GALNT13: variants seen among roughly 807,000 people sequenced by gnomAD.
GALNT13 encodes the protein polypeptide N-acetylgalactosaminyltransferase 13.
In GALNT13, 28 loss-of-function variants were observed where a neutral mutation model predicts 64.2. The observed-to-expected ratio is 0.44, with a 90% CI of 0.32 to 0.60. GALNT13 has a LOEUF of 0.60. Among genes scored for constraint, GALNT13 ranks in the 20% least tolerant of loss-of-function variants. The probability of loss-of-function intolerance (pLI) is 0.05; values close to 1 mark genes in which losing one functional copy is unlikely to be tolerated. For missense variants in GALNT13, 577 were observed against 669.8 expected (o/e 0.86, Z 1.53); for synonymous variants, 214 against 224.6 (o/e 0.95, Z 0.42).
At chr2:153,637,020 A>G in the GALNT13 span, among the ~76,000 whole-genome samples, 3 of 152,182 alleles carry the variant, frequency 2.0e-5, no homozygotes, top group East Asian at 5.8e-4. Flanking sequence ...ATTGACAGGG[A>G]CTGCATTAAA....
At chr2:153,162,182 C>T in the GALNT13 span, among the ~76,000 whole-genome samples, 1 of 152,166 alleles carries the variant, frequency 6.6e-6, no homozygotes, top group African/African-American at 2.4e-5. Context: ...TGACAGGTAT[C>T]AGTCACTTTT....
the GALNT13 span, among the ~76,000 whole-genome samples, chr2:153,630,787 ATATATATATATATATATATATTTTT>A: frequency 9.4e-5 from 1 of 10,694 alleles, no homozygotes. Context: ...ATATATATAT[ATATATATATATATATATATATTTTT>A]TTTTTTTTTT....
chr2:154,035,937 A>T (rs1430449417), intron 3 of GALNT13, among the ~76,000 whole-genome samples: 2 of 152,010 alleles, frequency 1.3e-5, no homozygotes, highest in African/African-American at 4.8e-5. Flanking sequence ...GGTAACAAAA[A>T]TGATAGACTT....
chr2:153,536,224 G>A, the GALNT13 span, among the ~76,000 whole-genome samples: 1 of 152,196 alleles, frequency 6.6e-6, no homozygotes, highest in Non-Finnish European at 1.5e-5. Context: ...ACAAAAGCAT[G>A]AGGGCCTTGC....
the GALNT13 span, among the ~76,000 whole-genome samples, chr2:153,707,750 G>T: frequency 6.6e-6 from 1 of 152,128 alleles, no homozygotes; most frequent in Non-Finnish European, 1.5e-5. Flanking sequence ...ATTCAGACTT[G>T]AGAGGGGAAC....
chr2:153,160,694 G>T, the GALNT13 span, among the ~76,000 whole-genome samples: 2 of 152,272 alleles, frequency 1.3e-5, no homozygotes, highest in African/African-American at 4.8e-5. Context: ...TAAGTCATGG[G>T]ATAATTCAGA....
At chr2:153,601,495 A>G in the GALNT13 span, among the ~76,000 whole-genome samples, 2 of 151,786 alleles carry the variant, frequency 1.3e-5, no homozygotes, top group Non-Finnish European at 1.5e-5. Flanking sequence ...CCCTCTTACA[A>G]ATTTCACCAT....
the GALNT13 span, among the ~76,000 whole-genome samples, chr2:153,628,539 A>T: frequency 2.0e-5 from 3 of 151,736 alleles, no homozygotes; most frequent in Non-Finnish European, 4.4e-5. Context: ...TAATTTATTG[A>T]GAGTTTTTAG....
chr2:154,331,931 T>G (rs1695187707), intron 9 of GALNT13, among the ~76,000 whole-genome samples: 1 of 152,118 alleles, frequency 6.6e-6, no homozygotes. Context: ...AGGCAGTCTT[T>G]ATTAAGGAAT....
chr2:154,350,815 G>C (rs1175415489), intron 9 of GALNT13, among the ~76,000 whole-genome samples: 1 of 152,170 alleles, frequency 6.6e-6, no homozygotes, highest in Non-Finnish European at 1.5e-5. Flanking sequence ...AGCAGTGGAA[G>C]GCAGTGGGGA....
chr2:153,731,607 A>G, the GALNT13 span, among the ~76,000 whole-genome samples: 3 of 152,024 alleles, frequency 2.0e-5, no homozygotes, highest in Non-Finnish European at 4.4e-5. Context: ...TACATGACAC[A>G]GGACTATAAA....
the GALNT13 span, among the ~76,000 whole-genome samples, chr2:153,488,295 T>C: frequency 2.0e-5 from 3 of 152,208 alleles, no homozygotes; most frequent in Admixed American, 1.3e-4. Flanking sequence ...CTCTTTTTGT[T>C]GTAGTCTGTG....
At chr2:153,209,613 T>C in the GALNT13 span, among the ~76,000 whole-genome samples, 1 of 152,188 alleles carries the variant, frequency 6.6e-6, no homozygotes, top group Non-Finnish European at 1.5e-5. Flanking sequence ...CTCCAACTTA[T>C]ATCTTATTAT....
chr2:154,228,361 C>T (rs557923218), intron 4 of GALNT13, among the ~76,000 whole-genome samples: 17 of 152,238 alleles, frequency 1.1e-4, no homozygotes, highest in Non-Finnish European at 2.1e-4. Flanking sequence ...CTAGTTCCCA[C>T]GTTGCACTGT....
chr2:154,363,528 C>G lies in GALNT13; in HGVS notation c.1157-32463C>G, dbSNP rs111260174. Among the ~76,000 whole-genome samples, 781 of 152,178 alleles carry G rather than the reference C, an allele frequency of 5.1e-3. 7 individuals carry two copies. The highest frequency in any genetic ancestry group is 0.018 in the African/African-American group (745 of 41,506). On this transcript the variant is annotated intron_variant, in intron 9 of 12. Coordinates refer to ENST00000392825, the MANE Select transcript of GALNT13 (RefSeq NM_052917.4). ...TGTTGCAATCACTGTTCTGCACACT[C>G]TGACCCATTATGGTGATGAAAGAAA... is the stretch of plus-strand genomic sequence containing the variant.
In GALNT13 at chr2:154,397,718, T is replaced by C. The variant is rs192968134; in HGVS notation, c.1296+1588T>C. Among the ~76,000 whole-genome samples, 78 of 152,336 alleles carry C rather than the reference T, an allele frequency of 5.1e-4. 1 individual carries two copies. Among genetic ancestry groups the C allele is most frequent in the Admixed American group, 1.4e-3 (21 of 15,302 alleles). On this transcript the variant is annotated intron_variant, in intron 10 of 12. Transcript: ENST00000392825. ...ATGACTGATTTAAGTGCCATATTCA[T>C]GCCTTATTGTCCAAGTCTCCACTTC...
intron 3 of GALNT13, among the ~76,000 whole-genome samples, chr2:154,025,203 A>G (rs924238784): frequency 6.6e-6 from 1 of 152,182 alleles, no homozygotes; most frequent in Non-Finnish European, 1.5e-5. Context: ...TGGGAGAACT[A>G]CTACTTTCTT....
chr2:153,358,169 T>A, the GALNT13 span, among the ~76,000 whole-genome samples: 1 of 152,224 alleles, frequency 6.6e-6, no homozygotes, highest in African/African-American at 2.4e-5. Flanking sequence ...TATCCCAAAA[T>A]ATACTGCTAC....
At chr2:153,212,102 C>T in the GALNT13 span, among the ~76,000 whole-genome samples, 7 of 152,096 alleles carry the variant, frequency 4.6e-5, no homozygotes, top group African/African-American at 1.7e-4. Flanking sequence ...TTCCTAAGAC[C>T]AGCACATCCT....
Sources: allele counts gnomAD v4.1 joint callset (sites outside exome capture counted in the v4.1 genomes callset), GRCh38; gene constraint gnomAD v4.1.1; transcripts MANE v1.5; gene names NCBI Gene and HGNC (gene_info 2026-07-23, HGNC 2026-07-21).